The following FRMD4A variants were observed in gnomAD, a reference collection of about 807,000 sequenced individuals.
FRMD4A encodes the protein FERM domain containing 4A, also known as FERM domain-containing protein 4A.
In FRMD4A, 29 loss-of-function variants were observed where a neutral mutation model predicts 129.1. The observed-to-expected ratio is 0.22, with a 90% CI of 0.17 to 0.31. FRMD4A has a LOEUF of 0.31. Among genes scored for constraint, FRMD4A ranks in the 10% least tolerant of loss-of-function variants. The pLI, the probability that FRMD4A is intolerant of heterozygous loss-of-function variation, is 1.00. For missense variants in FRMD4A, 1,272 were observed against 1,375.8 expected (o/e 0.92, Z 1.19); for synonymous variants, 634 against 571.6 (o/e 1.11, Z -1.56).
intron 2 of FRMD4A, among the ~76,000 whole-genome samples, chr10:14,319,367 T>TCTCTCTCTCTCTCTCACA (rs112041665): frequency 6.2e-5 from 9 of 145,050 alleles, no homozygotes; most frequent in African/African-American, 2.2e-4. Context: ...TCTCTCTCTC[T>TCTCTCTCTCTCTCTCACA]CACACACACA....
chr10:14,165,279 TC>T (rs1841113865), intron 2 of FRMD4A, among the ~76,000 whole-genome samples: 1 of 152,184 alleles, frequency 6.6e-6, no homozygotes, highest in Non-Finnish European at 1.5e-5. Flanking sequence ...GCGTCAGTGA[TC>T]ATCAGAGAAG....
chr10:13,784,505 T>C lies in FRMD4A; in HGVS notation c.300-1499A>G, dbSNP rs114845042. On this transcript the variant is annotated intron_variant, in intron 5 of 24. Coordinates refer to ENST00000357447, the MANE Select transcript of FRMD4A (RefSeq NM_018027.5). The stretch of plus-strand genomic sequence containing the variant: ...AGTAATTAATTTAAAAATGAATTCT[T>C]CTAATCAATACAATCACCTGAGGGG... 8.9e-3 allele frequency among the ~76,000 whole-genome samples: 1,355 copies of C among 152,292 alleles called. 18 individuals are homozygous for C. Among genetic ancestry groups the C allele is most frequent in the African/African-American group, 0.026 (1,090 of 41,558 alleles).
At chr10:14,203,500 T>G (rs1842697463) in intron 2 of FRMD4A, among the ~76,000 whole-genome samples, 1 of 152,240 alleles carries the variant, frequency 6.6e-6, no homozygotes, top group African/African-American at 2.4e-5. Flanking sequence ...GTGATAATGG[T>G]AGTTAATTAA....
At chr10:13,730,614 C>T (rs902502439) in intron 12 of FRMD4A, among the ~76,000 whole-genome samples, 4 of 152,092 alleles carry the variant, frequency 2.6e-5, no homozygotes, top group African/African-American at 9.7e-5. Flanking sequence ...TTGTGAAATA[C>T]GGAGCCTCTC....
chr10:13,947,405 C>T (rs907074770), intron 2 of FRMD4A, among the ~76,000 whole-genome samples: 3 of 151,966 alleles, frequency 2.0e-5, no homozygotes, highest in Non-Finnish European at 4.4e-5. Context: ...ACAAGGGGAG[C>T]TTGTTGCAGA....
chr10:14,020,541 A>T (rs1832694689), intron 2 of FRMD4A, among the ~76,000 whole-genome samples: 1 of 152,234 alleles, frequency 6.6e-6, no homozygotes, highest in Non-Finnish European at 1.5e-5. Flanking sequence ...GGGAGAGGAC[A>T]CACTGGCCTA....
intron 22 of FRMD4A, chr10:13,655,669 G>A (rs1381432027): frequency 6.6e-6 from 1 of 152,166 alleles, no homozygotes; most frequent in Non-Finnish European, 1.5e-5. Flanking sequence ...GTTCCCCAAA[G>A]ATGAACCCCC....
At chr10:14,106,631 T>A (rs1447287352) in intron 2 of FRMD4A, among the ~76,000 whole-genome samples, 1 of 152,230 alleles carries the variant, frequency 6.6e-6, no homozygotes, top group African/African-American at 2.4e-5. Flanking sequence ...CAACACCATT[T>A]CTCACTTGCT....
At chr10:13,782,448 CTTTT>C (rs66527369) in intron 6 of FRMD4A, among the ~76,000 whole-genome samples, 2 of 136,052 alleles carry the variant, frequency 1.5e-5, no homozygotes, top group Non-Finnish European at 3.2e-5. Flanking sequence ...ATTATTATTC[CTTTT>C]TTTTTTTTTT....
rs544026991 is a variant in FRMD4A, at chr10:14,216,508, A to G, written c.45+113550T>C. On this transcript the variant is annotated intron_variant, in intron 2 of 24. Transcript: ENST00000357447. ...CAACATGGTGAAACCCCATCTCTAAAAATAAAGAAAATTTTAAAAATGTTC... is the reference window on the plus strand; with the variant it reads ...CAACATGGTGAAACCCCATCTCTAAGAATAAAGAAAATTTTAAAAATGTTC... 1.1e-4 allele frequency among the ~76,000 whole-genome samples: 17 copies of G among 152,144 alleles called. 1 individual carries two copies. The highest frequency in any genetic ancestry group is 2.2e-4 in the Non-Finnish European group (15 of 68,038).
Position 14,023,181 on chromosome 10 carries a change from C to A in FRMD4A, c.46-164269G>T, listed in dbSNP as rs187728231. 3.1e-3 allele frequency among the ~76,000 whole-genome samples: 475 copies of A among 152,278 alleles called. 15 individuals are homozygous for A. Among genetic ancestry groups the A allele is most frequent in the Admixed American group, 0.027 (418 of 15,292 alleles). ...CCAGAAGGACGCTCTCCCTTCTGGA[C>A]GCATTCCTCCTCCAGGCATAACTTC... is the stretch of plus-strand genomic sequence containing the variant. On this transcript the variant is annotated intron_variant, in intron 2 of 24. Coordinates refer to ENST00000357447, the MANE Select transcript of FRMD4A (RefSeq NM_018027.5).
intron 2 of FRMD4A, among the ~76,000 whole-genome samples, chr10:14,112,078 T>G (rs950901389): frequency 2.7e-5 from 4 of 150,842 alleles, no homozygotes; most frequent in African/African-American, 9.8e-5. Context: ...GGGAATAGAG[T>G]GAGCAAATGC....
intron 12 of FRMD4A, among the ~76,000 whole-genome samples, chr10:13,719,844 A>G (rs1404757251): frequency 6.6e-6 from 1 of 152,218 alleles, no homozygotes; most frequent in Non-Finnish European, 1.5e-5. Context: ...TACTCCAGCA[A>G]TTCACTCAAG....
intron 2 of FRMD4A, among the ~76,000 whole-genome samples, chr10:14,052,077 G>A (rs1048840569): frequency 3.9e-5 from 6 of 152,146 alleles, no homozygotes; most frequent in African/African-American, 1.4e-4. Context: ...AACACCATGG[G>A]CCAATGGAAG....
intron 2 of FRMD4A, among the ~76,000 whole-genome samples, chr10:14,129,739 C>T (rs1839142114): frequency 6.6e-6 from 1 of 152,140 alleles, no homozygotes; most frequent in South Asian, 2.1e-4. Context: ...TCTTTCAGGA[C>T]TCCTGGGAAA....
chr10:14,202,140 G>GAA (rs67184304), intron 2 of FRMD4A, among the ~76,000 whole-genome samples: 2 of 147,420 alleles, frequency 1.4e-5, no homozygotes, highest in African/African-American at 5.0e-5. Context: ...TCCGTCTCAA[G>GAA]AAAAAAAAAA....
chr10:13,853,017 C>T (rs1047323277), intron 3 of FRMD4A, among the ~76,000 whole-genome samples: 3 of 152,152 alleles, frequency 2.0e-5, no homozygotes, highest in Non-Finnish European at 2.9e-5. Flanking sequence ...CATAGGGACG[C>T]TTTGTTCCTC....
intron 2 of FRMD4A, among the ~76,000 whole-genome samples, chr10:14,267,200 A>G (rs1347042313): frequency 2.6e-5 from 4 of 152,194 alleles, no homozygotes; most frequent in Non-Finnish European, 5.9e-5. Context: ...TTTTAAAGCT[A>G]TTTTTATAAA....
chr10:13,809,537 G>A (rs1196949450), intron 4 of FRMD4A, among the ~76,000 whole-genome samples: 1 of 152,056 alleles, frequency 6.6e-6, no homozygotes, highest in Admixed American at 6.6e-5. Context: ...TTGCAGTGCT[G>A]GGTCCTTCCC....
Sources: gnomAD v4.1 joint callset for allele counts (sites outside exome capture counted in the v4.1 genomes callset) on GRCh38, gnomAD v4.1.1 for gene constraint, MANE v1.5 for transcripts, NCBI Gene and HGNC (gene_info 2026-07-23, HGNC 2026-07-21) for gene names.